The following ANKHD1 variants were observed in gnomAD, a reference collection of about 807,000 sequenced individuals.
The protein encoded by ANKHD1 is ankyrin repeat and KH domain containing 1.
A neutral mutation model predicts 230.5 loss-of-function variants in ANKHD1; 31 were observed. That is an observed-to-expected ratio of 0.13 (90% CI 0.10 to 0.18). ANKHD1 has a LOEUF of 0.18. ANKHD1 is among the 10% of genes least tolerant of loss of function. The pLI is 1.00. For synonymous variants in ANKHD1, 1,074 were observed against 1,117.6 expected (o/e 0.96, Z 0.78); for missense variants, 2,256 against 3,071.3 (o/e 0.73, Z 6.27).
rs149408004 is a variant in ANKHD1 at position 140,465,548 on chromosome 5, A to G, written c.1782+772A>G. Among the ~76,000 whole-genome samples, 15 of 152,318 alleles carry G rather than the reference A, an allele frequency of 9.8e-5. No individual in the cohort carries two copies. The East Asian group carries it at 2.9e-3, about 29-fold the overall frequency. ...TCTCTGATACATTTCTTAAAAACTT[A>G]TGTGTGACATACATAGCTGTAAATG... On this transcript the variant is annotated intron_variant, in intron 10 of 33. Transcript: ENST00000360839.
chr5:140,402,441 A>G (rs1770023973), intron 1 of ANKHD1, among the ~76,000 whole-genome samples, 168 bp downstream of exon 1: 1 of 152,014 alleles, frequency 6.6e-6, no homozygotes, highest in Non-Finnish European at 1.5e-5. Context: ...CCCTCGGCTT[A>G]CTCTTTAGCT....
intron 1 of ANKHD1, among the ~76,000 whole-genome samples, chr5:140,422,619 TC>T (rs1561695961): frequency 1.4e-5 from 2 of 147,826 alleles, no homozygotes; most frequent in African/African-American, 4.9e-5. Context: ...ACCAGCCTGA[TC>T]AACATGGTGA....
At chr5:140,444,008 G>A (rs910997908) in intron 5 of ANKHD1, among the ~76,000 whole-genome samples, 8 of 149,474 alleles carry the variant, frequency 5.4e-5, no homozygotes, top group African/African-American at 2.0e-4. Flanking sequence ...CCACCATGTT[G>A]TTCTCAGTAC....
In ANKHD1 at chr5:140,496,977, A is replaced by T. The variant is rs1752065753; in HGVS notation, c.2703A>T (p.Thr901=). ...DHFSELPQVD[T]ILFKDNDVDD... ...TTTCAGAGTTACCTCAGGTTGACAC[A>T]ATCTTATTTAAAGATAATGATGTTG... Residue 901 remains threonine, a synonymous_variant, in exon 15 of 34, where the codon ACA becomes ACT. Coordinates refer to ENST00000360839, the MANE Select transcript of ANKHD1 (RefSeq NM_017747.3). The T allele has an allele frequency of 6.2e-7, 1 of 1,614,208 alleles. No individual in the cohort carries two copies. The highest frequency in any genetic ancestry group is 1.7e-5 in the Admixed American group (1 of 60,036).
chr5:140,407,736 A>AT (rs756651090), intron 1 of ANKHD1, among the ~76,000 whole-genome samples: 65 of 152,140 alleles, frequency 4.3e-4, no homozygotes, highest in Non-Finnish European at 7.6e-4. Flanking sequence ...TGGTCTTTTA[A>AT]TTTTTTTAGC....
At chr5:140,533,792 A>AC (rs1753949233) in intron 29 of ANKHD1, among the ~76,000 whole-genome samples, 1 of 151,114 alleles carries the variant, frequency 6.6e-6, no homozygotes, top group African/African-American at 2.4e-5. Context: ...AAAAAAAAAA[A>AC]AAAAAAACAA....
chr5:140,523,476 A>AT lies in ANKHD1; in HGVS notation c.4318-580dup, dbSNP rs544922776. Among the ~76,000 whole-genome samples the AT allele has an allele frequency of 3.7e-3, 542 of 145,580 alleles. 2 individuals are homozygous for AT. Among genetic ancestry groups the AT allele is most frequent in the African/African-American group, 0.012 (493 of 39,674 alleles). Reference sequence around the variant, plus strand: ...TGTCTTTTCATTCGTGAGTTGTAAGATTTTTTTTTTATATATTATAGATAC... The same window carrying AT: ...TGTCTTTTCATTCGTGAGTTGTAAGATTTTTTTTTTTATATATTATAGATAC... On this transcript the variant is annotated intron_variant, in intron 24 of 33. Coordinates refer to ENST00000360839, the MANE Select transcript of ANKHD1 (RefSeq NM_017747.3).
rs1369210089 is a variant in ANKHD1, at chr5:140,539,651, A to G, written c.*233A>G. 2.3e-6 allele frequency: 1 copy of G among 430,230 alleles called. No homozygotes were observed. The highest frequency in any genetic ancestry group is 4.1e-6 in the Non-Finnish European group (1 of 242,802). The allele number at this position is 430,230 out of a possible 1,614,324, so 26.7% of individuals were successfully genotyped here. A position where few individuals can be genotyped will look rare whatever the true frequency, so the allele number is the denominator to read the frequency against. ...GACCTTAGTGCTTTTGGCTAAACAT[A>G]CAGAATACTACTTGTATGCAGAAGA... On this transcript the variant is annotated 3_prime_UTR_variant, in exon 34 of 34. Transcript: ENST00000360839.
chr5:140,535,639 G>GTA (rs1754033792), intron 30 of ANKHD1, 101 bp downstream of exon 30: 7 of 1,372,670 alleles, frequency 5.1e-6, no homozygotes, highest in Non-Finnish European at 6.6e-6. Context: ...AAACTAAGTG[G>GTA]TATACAGATG....
intron 14 of ANKHD1, among the ~76,000 whole-genome samples, chr5:140,491,090 G>A (rs1181149713): frequency 1.2e-3 from 114 of 96,588 alleles, no homozygotes; most frequent in African/African-American, 4.1e-3. Context: ...ATGTGTGTGT[G>A]TGTATATATA....
intron 14 of ANKHD1, among the ~76,000 whole-genome samples, chr5:140,491,135 T>TATATACAC (rs1554091209): frequency 2.7e-5 from 2 of 75,064 alleles, no homozygotes; most frequent in East Asian, 9.1e-4. Flanking sequence ...TATATATATA[T>TATATACAC]ACACATATAT....
chr5:140,426,500 TTTTATTTA>T (rs3084523), intron 1 of ANKHD1, among the ~76,000 whole-genome samples: 52 of 151,796 alleles, frequency 3.4e-4, no homozygotes, highest in Middle Eastern at 3.4e-3. Flanking sequence ...CCTTGAACTT[TTTTATTTA>T]TTTATTTATT....
At chr5:140,402,405 G>C in intron 1 of ANKHD1, 132 bp downstream of exon 1, 1 of 1,262,208 alleles carries the variant, frequency 7.9e-7, no homozygotes, top group Non-Finnish European at 1.0e-6. Context: ...CCATGGCGGC[G>C]GTGGCCGCGG....
chr5:140,507,118 G>A lies in ANKHD1; in HGVS notation c.3551+141G>A. Reference sequence around the variant, plus strand: ...AAGCCAACGATTATACCTATAATGTGTTTGTTTATAAGTAATCTCAGCTTA... The same window carrying A: ...AAGCCAACGATTATACCTATAATGTATTTGTTTATAAGTAATCTCAGCTTA... On this transcript the variant is annotated intron_variant, in intron 19 of 33. Coordinates refer to ENST00000360839, the MANE Select transcript of ANKHD1 (RefSeq NM_017747.3). The surrounding 1 kb of genome is among the most constrained non-coding windows in gnomAD (Gnocchi z 4.1). 8.0e-7 allele frequency: 1 copy of A among 1,252,532 alleles called. No individual in the cohort carries two copies. The highest frequency in any genetic ancestry group is 1.1e-6 in the Non-Finnish European group (1 of 930,942). The allele number at this position is 1,252,532 out of a possible 1,614,324, so 77.6% of individuals were successfully genotyped here.
In ANKHD1 at chr5:140,419,792, T is replaced by TC. The variant is rs1561690782; in HGVS notation, c.307-16312_307-16311insC. Reference sequence around the variant, plus strand: ...CCTTTCTTTTTCTTTCTTTCTTTCTTTCTTTCTTTCTTTCTTTCTTTCTTT... The same window carrying TC: ...CCTTTCTTTTTCTTTCTTTCTTTCTTCTCTTTCTTTCTTTCTTTCTTTCTTT... On this transcript the variant is annotated intron_variant, in intron 1 of 33. Transcript: ENST00000360839. Among the ~76,000 whole-genome samples, 5 of 61,212 alleles carry TC rather than the reference T, an allele frequency of 8.2e-5. 1 individual carries two copies. The East Asian group carries it at 3.4e-3, about 42-fold the overall frequency. The allele number at this position is 61,212 out of a possible 152,430, so 40.2% of individuals were successfully genotyped here. A position where few individuals can be genotyped will look rare whatever the true frequency, so the allele number is the denominator to read the frequency against.
chr5:140,523,720 C>A (rs1753470832), intron 24 of ANKHD1, among the ~76,000 whole-genome samples: 1 of 151,928 alleles, frequency 6.6e-6, no homozygotes, highest in Admixed American at 6.6e-5. Context: ...GCCACCACAC[C>A]CAGTTAATTT....
chr5:140,509,998 A>G, intron 21 of ANKHD1, 21 bp from the exon 22 acceptor site: 2 of 1,595,200 alleles, frequency 1.3e-6, no homozygotes, highest in Non-Finnish European at 1.7e-6. Context: ...GAAACAAACT[A>G]TTAATATGCC....
chr5:140,480,317 A>G (rs1347467762), intron 10 of ANKHD1, among the ~76,000 whole-genome samples: 5 of 152,088 alleles, frequency 3.3e-5, no homozygotes, highest in African/African-American at 9.7e-5. Context: ...GTGTGAGGAT[A>G]TTGGGACTGT....
chr5:140,411,875 C>A (rs1179864236), intron 1 of ANKHD1, among the ~76,000 whole-genome samples: 1 of 150,300 alleles, frequency 6.7e-6, no homozygotes, highest in Non-Finnish European at 1.5e-5. Flanking sequence ...GTCACCCAAG[C>A]TGGAGTGCGG....
Sources: allele counts gnomAD v4.1 joint callset (sites outside exome capture counted in the v4.1 genomes callset), GRCh38; gene constraint gnomAD v4.1.1; non-coding constraint Gnocchi (gnomAD v3.1); transcripts MANE v1.5; gene names NCBI Gene and HGNC (gene_info 2026-07-23, HGNC 2026-07-21).